EPB41L5: variants seen among roughly 807,000 people sequenced by gnomAD.
EPB41L5 encodes band 4.1-like protein 5.
A neutral mutation model predicts 106.6 loss-of-function variants in EPB41L5; 55 were observed. That is an observed-to-expected ratio of 0.52 (90% confidence interval 0.42 to 0.65). The LOEUF (loss-of-function observed/expected upper bound fraction) is 0.65. Among genes scored for constraint, EPB41L5 ranks in the 30% least tolerant of loss-of-function variants. The pLI, the probability that EPB41L5 is intolerant of heterozygous loss-of-function variation, is 0.00. For missense variants in EPB41L5, 871 were observed against 882.1 expected, an observed-to-expected ratio of 0.99 and a Z score of 0.16; for synonymous variants, 297 against 306.7, an observed-to-expected ratio of 0.97 and a Z score of 0.33.
At chr2:120,094,477 T>C (rs1284196394) in intron 14 of EPB41L5, among the ~76,000 whole-genome samples, 20 of 145,430 alleles carry the variant, frequency 1.4e-4, no homozygotes, top group Admixed American at 8.8e-4. Flanking sequence ...TTTTTTTTTT[T>C]CTTGCAAAAA....
intron 2 of EPB41L5, among the ~76,000 whole-genome samples, chr2:120,021,047 A>G (rs1224121603): frequency 6.6e-6 from 1 of 152,206 alleles, no homozygotes; most frequent in Non-Finnish European, 1.5e-5. Flanking sequence ...TTTGTGAAAC[A>G]AGAACAGTTG....
Position 120,075,496 on chromosome 2 carries a change from T to A in EPB41L5, c.428T>A (p.Leu143Ter). 6.3e-7 allele frequency: 1 copy of A among 1,580,478 alleles called. No individual in the cohort carries two copies. Among genetic ancestry groups the A allele is most frequent in the Non-Finnish European group, 8.7e-7 (1 of 1,150,634 alleles). ...ELTRYLFVLQ[L>*]KQDILSGKLD... Reference sequence around the variant, plus strand: ...CTTAGGTATTTATTTGTTCTTCAGTTAAAACAAGATATTCTCAGTGGAAAG... The same window carrying A: ...CTTAGGTATTTATTTGTTCTTCAGTAAAAACAAGATATTCTCAGTGGAAAG... Residue 143 changes from leucine (L) to a stop codon, truncating the protein, a stop_gained, in exon 6 of 25, where the codon TTA (leucine) becomes TAA (stop). Coordinates refer to ENST00000263713, the MANE Select transcript of EPB41L5 (RefSeq NM_020909.4). LOFTEE classifies it high-confidence loss of function.
At chr2:120,071,476 T>G (rs1479864920) in intron 3 of EPB41L5, among the ~76,000 whole-genome samples, 1 of 151,836 alleles carries the variant, frequency 6.6e-6, no homozygotes, top group African/African-American at 2.4e-5. Context: ...GCCAAGACAT[T>G]CCTAAGCAAA....
At position 120,045,031 on chromosome 2, in the gene EPB41L5, C is replaced by T. The variant is rs1679669085; in HGVS notation, c.285+2921C>T. On this transcript the variant is annotated intron_variant, in intron 3 of 24. Coordinates refer to ENST00000263713, the MANE Select transcript of EPB41L5 (RefSeq NM_020909.4). The stretch of plus-strand genomic sequence containing the variant: ...AGCTTGTTGTGTGGCCATATTCAAC[C>T]TCAGAATGAAATGAAACCAAAGTGG... Among the ~76,000 whole-genome samples, 3 of 152,252 alleles carry T rather than the reference C, an allele frequency of 2.0e-5. No homozygotes were observed. In the South Asian group the frequency reaches 6.2e-4, roughly 32 times the overall value.
chr2:120,058,858 C>A (rs1311695256), intron 3 of EPB41L5, among the ~76,000 whole-genome samples: 1 of 152,136 alleles, frequency 6.6e-6, no homozygotes, highest in African/African-American at 2.4e-5. Flanking sequence ...ATGGAAGACT[C>A]AACAAAGATA....
intron 1 of EPB41L5, among the ~76,000 whole-genome samples, chr2:120,014,324 G>A (rs1345821340): frequency 6.6e-6 from 1 of 152,120 alleles, no homozygotes; most frequent in Non-Finnish European, 1.5e-5. Context: ...AACTAGAGTA[G>A]AAACTACTGT....
chr2:120,130,105 C>G (rs1238241976), intron 17 of EPB41L5, among the ~76,000 whole-genome samples: 1 of 141,896 alleles, frequency 7.0e-6, no homozygotes, highest in Non-Finnish European at 1.5e-5. Flanking sequence ...GAGATGGCAC[C>G]ACTGTACTCC....
chr2:120,074,247 T>C, intron 5 of EPB41L5, 69 bp downstream of exon 5: 1 of 1,192,238 alleles, frequency 8.4e-7, no homozygotes, highest in South Asian at 1.4e-5. Flanking sequence ...TTATATTGTT[T>C]CCAATTTATA....
intron 16 of EPB41L5, among the ~76,000 whole-genome samples, chr2:120,121,692 T>C (rs1331644907): frequency 1.3e-5 from 2 of 152,240 alleles, no homozygotes; most frequent in Non-Finnish European, 2.9e-5. Context: ...TTATAATCCT[T>C]TGGGTATATA....
intron 3 of EPB41L5, among the ~76,000 whole-genome samples, chr2:120,052,622 A>G (rs1207182598): frequency 6.6e-6 from 1 of 152,210 alleles, no homozygotes; most frequent in East Asian, 1.9e-4. Context: ...CGTATGGTCA[A>G]TGGGAGCTGC....
At chr2:120,091,418 G>C in intron 12 of EPB41L5, 137 bp from the exon 13 acceptor site, 1 of 614,454 alleles carries the variant, frequency 1.6e-6, no homozygotes, top group Admixed American at 3.1e-5. Context: ...GAGAGATCGA[G>C]ACTATTAGTA....
intron 20 of EPB41L5, among the ~76,000 whole-genome samples, chr2:120,147,492 G>A (rs912308110): frequency 1.2e-4 from 18 of 152,038 alleles, no homozygotes; most frequent in Non-Finnish European, 2.9e-5. Context: ...GGGCATGGTG[G>A]CGCACGCCTG....
At chr2:120,015,320 CAA>C (rs531896856) in intron 1 of EPB41L5, among the ~76,000 whole-genome samples, 18 of 124,314 alleles carry the variant, frequency 1.4e-4, no homozygotes, top group South Asian at 5.4e-4. Context: ...GAGCGAGACT[CAA>C]AAAAAAAAAA....
At chr2:120,075,285 A>G (rs544979444) in intron 5 of EPB41L5, among the ~76,000 whole-genome samples, 191 bp from the exon 6 acceptor site, 31 of 152,344 alleles carry the variant, frequency 2.0e-4, no homozygotes, top group Admixed American at 3.9e-4. Context: ...TACCCCACGT[A>G]TACTGACTTG....
chr2:120,098,622 C>G (rs1049927246), intron 14 of EPB41L5, among the ~76,000 whole-genome samples: 2 of 152,066 alleles, frequency 1.3e-5, no homozygotes, highest in Non-Finnish European at 2.9e-5. Flanking sequence ...AATGAGCAAC[C>G]CAAGGTGTAC....
chr2:120,108,504 G>A (rs939013105), intron 16 of EPB41L5: 1 of 151,988 alleles, frequency 6.6e-6, no homozygotes, highest in Non-Finnish European at 1.5e-5. Context: ...AATAATAAAT[G>A]CAAAATATTT....
chr2:120,160,177 A>G (rs1687082538), intron 20 of EPB41L5, among the ~76,000 whole-genome samples: 1 of 152,224 alleles, frequency 6.6e-6, no homozygotes, highest in Non-Finnish European at 1.5e-5. Context: ...ATACAAGTTT[A>G]CCTGTATAAC....
rs540317430 is a variant in EPB41L5, at chr2:120,120,323, A to T, written c.1338-7365A>T. Among the ~76,000 whole-genome samples, 21 of 151,034 alleles carry T rather than the reference A, an allele frequency of 1.4e-4. No homozygotes were observed. In the Admixed American group the frequency reaches 1.4e-3, roughly 10 times the overall value. ...GGCACGTGGCTGTAGTCCCGGCTAC[A>T]TGGGAGGCTGAGACAGGAGAATCGC... On this transcript the variant is annotated intron_variant, in intron 16 of 24. Transcript: ENST00000263713.
chr2:120,151,719 C>T (rs762153680), intron 20 of EPB41L5, among the ~76,000 whole-genome samples: 9 of 151,052 alleles, frequency 6.0e-5, no homozygotes, highest in East Asian at 2.0e-4. Context: ...TGGGTTCAAG[C>T]GATTCTCCTG....
Sources: gnomAD v4.1 joint callset for allele counts (sites outside exome capture counted in the v4.1 genomes callset) on GRCh38, gnomAD v4.1.1 for gene constraint, MANE v1.5 for transcripts, NCBI Gene and HGNC (gene_info 2026-07-23, HGNC 2026-07-21) for gene names.